Variants in TRDN observed in about 807,000 individuals in gnomAD.
The protein encoded by TRDN is triadin.
Under a neutral mutation model 149.7 loss-of-function variants are expected in TRDN, and 161 were observed. That is an observed-to-expected ratio of 1.08 (90% CI 0.95 to 1.23). The LOEUF (loss-of-function observed/expected upper bound fraction) is 1.23, where lower values mean the gene tolerates loss of function less well. TRDN is among the 50% of genes most tolerant of loss of function. The pLI is 0.00. For missense variants in TRDN, 896 were observed against 823.5 expected, an observed-to-expected ratio of 1.09 and a Z score of -1.08; for synonymous variants, 294 against 250.5, an observed-to-expected ratio of 1.17 and a Z score of -1.64.
intron 38 of TRDN, among the ~76,000 whole-genome samples, chr6:123,228,284 G>A (rs1775464455): frequency 6.6e-6 from 1 of 151,890 alleles, no homozygotes; most frequent in Non-Finnish European, 1.5e-5. Flanking sequence ...TGGCATTCTG[G>A]TTCCAGAGAT....
At chr6:123,331,496 G>A (rs1055341982) in intron 23 of TRDN, among the ~76,000 whole-genome samples, 5 of 151,982 alleles carry the variant, frequency 3.3e-5, no homozygotes, top group Non-Finnish European at 5.9e-5. Context: ...TGAACTTACA[G>A]AATCAAAAGA....
intron 38 of TRDN, among the ~76,000 whole-genome samples, chr6:123,225,896 T>A (rs1235792144): frequency 6.6e-6 from 1 of 151,754 alleles, no homozygotes; most frequent in Non-Finnish European, 1.5e-5. Context: ...ATTTTTAACA[T>A]TTGAAATTAT....
At chr6:123,444,173 G>C (rs1321695812) in intron 10 of TRDN, among the ~76,000 whole-genome samples, 1 of 143,062 alleles carries the variant, frequency 7.0e-6, no homozygotes, top group African/African-American at 2.9e-5. Context: ...TCTTCCATTT[G>C]TTTGTATCCT....
chr6:123,632,483 C>T (rs777331388), intron 1 of TRDN, among the ~76,000 whole-genome samples: 2 of 152,058 alleles, frequency 1.3e-5, no homozygotes, highest in African/African-American at 4.8e-5. Context: ...ATCCAGTCTT[C>T]TACTTAAACA....
At chr6:123,292,115 G>T (rs999782774) in intron 24 of TRDN, among the ~76,000 whole-genome samples, 1 of 152,162 alleles carries the variant, frequency 6.6e-6, no homozygotes, top group Non-Finnish European at 1.5e-5. Context: ...CATGGATCTT[G>T]ATTTTTGTTT....
intron 1 of TRDN, among the ~76,000 whole-genome samples, chr6:123,628,322 G>T (rs960988959): frequency 1.3e-5 from 2 of 152,024 alleles, no homozygotes; most frequent in Non-Finnish European, 2.9e-5. Context: ...GAACAGAAAA[G>T]CCTGAGGAGA....
intron 24 of TRDN, among the ~76,000 whole-genome samples, chr6:123,295,540 AT>A (rs1354399654): frequency 1.3e-5 from 2 of 152,184 alleles, no homozygotes; most frequent in African/African-American, 4.8e-5. Context: ...AAAAGAAAAT[AT>A]TTTTTATATT....
rs887103612 is a variant in TRDN at position 123,217,171 on chromosome 6, ACTT to A, written c.*1427_*1429del. 1 of 151,972 alleles carries A rather than the reference ACTT, an allele frequency of 6.6e-6. No homozygotes were observed. The highest frequency in any genetic ancestry group is 2.4e-5 in the African/African-American group (1 of 41,420). The allele number at this position is 151,972 out of a possible 1,614,324, so 9.4% of individuals were successfully genotyped here. ...GTCCACCAGCTTTTGGCAGAGACCA[ACTT>A]CTTTCACAAAAGTCTCCAAAAATGC... On this transcript the variant is annotated 3_prime_UTR_variant, in exon 41 of 41. Transcript: ENST00000334268.
intron 9 of TRDN, among the ~76,000 whole-genome samples, chr6:123,466,700 G>A (rs977055852): frequency 4.6e-5 from 7 of 151,864 alleles, no homozygotes; most frequent in Non-Finnish European, 7.4e-5. Flanking sequence ...TTTAAGGTAC[G>A]GTGGTATTTT....
intron 22 of TRDN, among the ~76,000 whole-genome samples, chr6:123,334,855 C>T (rs1779803689): frequency 6.6e-6 from 1 of 151,976 alleles, no homozygotes; most frequent in African/African-American, 2.4e-5. Context: ...TGTAATAATG[C>T]TGGTTTTAAA....
At chr6:123,367,258 C>A (rs779602004) in intron 19 of TRDN, among the ~76,000 whole-genome samples, 1 of 152,114 alleles carries the variant, frequency 6.6e-6, no homozygotes, top group Non-Finnish European at 1.5e-5. Flanking sequence ...CTTATTTCCT[C>A]ATTTTATAAC....
intron 9 of TRDN, chr6:123,488,946 T>A (rs1055980449): frequency 1.3e-5 from 2 of 152,166 alleles, no homozygotes; most frequent in Non-Finnish European, 2.9e-5. Context: ...AATATACTCC[T>A]TTTAAGTTTG....
chr6:123,607,015 C>T (rs533793137), intron 1 of TRDN, among the ~76,000 whole-genome samples: 4 of 152,258 alleles, frequency 2.6e-5, no homozygotes, highest in African/African-American at 9.6e-5. Context: ...TTGCCTTTGC[C>T]TCCACTGAAA....
intron 8 of TRDN, chr6:123,501,698 G>A (rs1286315218): frequency 6.0e-6 from 2 of 332,814 alleles, no homozygotes; most frequent in Non-Finnish European, 4.3e-6. Context: ...ACTTGCTTTA[G>A]CAATTGCAAT....
At chr6:123,525,492 T>G (rs923959836) in intron 5 of TRDN, among the ~76,000 whole-genome samples, 1 of 152,000 alleles carries the variant, frequency 6.6e-6, no homozygotes, top group Non-Finnish European at 1.5e-5. Flanking sequence ...TTACAATTGC[T>G]ACACATAGAC....
intron 21 of TRDN, among the ~76,000 whole-genome samples, chr6:123,345,992 T>A (rs1305548327): frequency 6.6e-6 from 1 of 152,074 alleles, no homozygotes; most frequent in Non-Finnish European, 1.5e-5. Context: ...CAGTTTTATT[T>A]TTTTCCCAAC....
At chr6:123,291,672 C>A (rs1445533858) in intron 24 of TRDN, among the ~76,000 whole-genome samples, 1 of 152,020 alleles carries the variant, frequency 6.6e-6, no homozygotes, top group Non-Finnish European at 1.5e-5. Flanking sequence ...ATAAAGGGAA[C>A]TTTGTGTAAA....
At chr6:123,311,221 G>A (rs1196579766) in intron 24 of TRDN, among the ~76,000 whole-genome samples, 1 of 151,960 alleles carries the variant, frequency 6.6e-6, no homozygotes, top group Non-Finnish European at 1.5e-5. Flanking sequence ...GAGGGAGCAA[G>A]TGTGAAAAAA....
chr6:123,331,779 T>C, intron 23 of TRDN, 100 bp downstream of exon 23: 1 of 741,742 alleles, frequency 1.3e-6, no homozygotes, highest in Non-Finnish European at 2.1e-6. Context: ...GGCTATGGTT[T>C]TGAGAGCCTG....
Sources: allele counts gnomAD v4.1 joint callset (sites outside exome capture counted in the v4.1 genomes callset), GRCh38; gene constraint gnomAD v4.1.1; transcripts MANE v1.5; gene names NCBI Gene and HGNC (gene_info 2026-07-23, HGNC 2026-07-21).